DCTN2: variants seen among roughly 807,000 people sequenced by gnomAD.
DCTN2 encodes the protein 50 kDa dynein-associated polypeptide.
In DCTN2, 18 loss-of-function variants were observed where a neutral mutation model predicts 55.4. That is an observed-to-expected ratio of 0.32 (90% CI 0.22 to 0.48). The LOEUF is 0.48. DCTN2 is among the 20% of genes least tolerant of loss of function. The pLI is 0.99. For synonymous variants in DCTN2, 168 were observed against 185.2 expected, an observed-to-expected ratio of 0.91 and a Z score of 0.76; for missense variants, 390 against 491.0, an observed-to-expected ratio of 0.79 and a Z score of 1.94.
rs942516162 is a variant in DCTN2, at chr12:57,538,582, G to T, written c.106-2737C>A. On this transcript the variant is annotated intron_variant, in intron 2 of 13. Transcript: ENST00000548249. ...AGAGTTAAAAGGAAAGGGAGTGGGG[G>T]AATGGGGATGAGGGAGGGAAAAAAA... The T allele has an allele frequency of 1.2e-5, 9 of 735,072 alleles. No individual in the cohort carries two copies. In the African/African-American group the frequency reaches 1.4e-4, roughly 11 times the overall value. 45.5% of individuals were successfully genotyped at this position (735,072 alleles called of 1,614,324 possible).
intron 7 of DCTN2, 145 bp downstream of exon 7, chr12:57,533,808 G>T: frequency 1.2e-6 from 1 of 818,142 alleles, no homozygotes; most frequent in Non-Finnish European, 1.8e-6. Context: ...AGAGAACAAC[G>T]AATCAGGAAT....
intron 2 of DCTN2, among the ~76,000 whole-genome samples, chr12:57,540,374 C>T (rs1326950457): frequency 6.6e-6 from 1 of 152,210 alleles, no homozygotes; most frequent in African/African-American, 2.4e-5. Flanking sequence ...ATACCACCTC[C>T]AGGTCTGTCC....
intron 3 of DCTN2, 89 bp from the exon 4 acceptor site, chr12:57,535,634 T>C: frequency 1.3e-6 from 2 of 1,539,298 alleles, no homozygotes; most frequent in Non-Finnish European, 9.0e-7. Flanking sequence ...CCATAAAATA[T>C]CTCCATGAGG....
At chr12:57,534,516 T>A (rs573977855) in intron 5 of DCTN2, 64 bp from the exon 6 acceptor site, 1 of 1,523,766 alleles carries the variant, frequency 6.6e-7, no homozygotes, top group East Asian at 2.3e-5. Flanking sequence ...AAAAAATAGG[T>A]CAAGCCCTTT....
At chr12:57,541,836 G>T (rs1245274618) in intron 2 of DCTN2, among the ~76,000 whole-genome samples, 1 of 152,196 alleles carries the variant, frequency 6.6e-6, no homozygotes, top group African/African-American at 2.4e-5. Context: ...CAAGCCTATT[G>T]CCCCAATTAA....
chr12:57,546,417 C>T lies in DCTN2; in HGVS notation c.37-321G>A, dbSNP rs561410189. Among the ~76,000 whole-genome samples the T allele has an allele frequency of 2.0e-5, 3 of 152,168 alleles. No homozygotes were observed. The South Asian group carries it at 6.2e-4, about 32-fold the overall frequency. Reference sequence around the variant, plus strand: ...GTGAAGGCTATCCTCCAATTAGGCCCCGTACACCACCACCCTGGCACAAGG... The same window carrying T: ...GTGAAGGCTATCCTCCAATTAGGCCTCGTACACCACCACCCTGGCACAAGG... On this transcript the variant is annotated intron_variant, in intron 1 of 13. Coordinates refer to ENST00000548249, the MANE Select transcript of DCTN2 (RefSeq NM_001261413.2).
At chr12:57,541,281 C>A in intron 2 of DCTN2, 1 of 1,536,720 alleles carries the variant, frequency 6.5e-7, no homozygotes, top group East Asian at 2.3e-5. Context: ...CGATTAGCTA[C>A]AACAATAGCA....
Position 57,543,018 on chromosome 12 carries a change from TG to T in DCTN2, c.105+3009del, listed in dbSNP as rs1163314541. The stretch of plus-strand genomic sequence containing the variant: ...GATAAAATTAAAGTTGAAAATAAAC[TG>T]AAGATTAAGGCGGAGAATGCTGTTG... On this transcript the variant is annotated intron_variant, in intron 2 of 13. Transcript: ENST00000548249. 8.8e-6 allele frequency: 4 copies of T among 455,690 alleles called. No homozygotes were observed. In the Admixed American group the frequency reaches 9.4e-5, roughly 11 times the overall value. 28.2% of individuals were successfully genotyped at this position (455,690 alleles called of 1,614,324 possible). A position where few individuals can be genotyped will look rare whatever the true frequency, so the allele number is the denominator to read the frequency against.
chr12:57,543,984 G>A (rs1880924280), intron 2 of DCTN2: 1 of 453,068 alleles, frequency 2.2e-6, no homozygotes, highest in Non-Finnish European at 4.4e-6. Flanking sequence ...TTTTTATTAA[G>A]AGATATCCCA....
chr12:57,543,366 A>AG (rs1249787685), intron 2 of DCTN2, among the ~76,000 whole-genome samples: 4 of 149,794 alleles, frequency 2.7e-5, no homozygotes, highest in Non-Finnish European at 5.9e-5. Flanking sequence ...AAAGAAAAAA[A>AG]AAGAAGGTGA....
intron 2 of DCTN2, among the ~76,000 whole-genome samples, chr12:57,544,706 TA>T (rs755881471): frequency 2.0e-5 from 3 of 152,186 alleles, no homozygotes; most frequent in Non-Finnish European, 2.9e-5. Flanking sequence ...TTTTTATTTT[TA>T]AAAAATATTT....
In DCTN2 at chr12:57,532,012, C is replaced by A; in HGVS notation, c.1119+3G>T. On this transcript the variant is annotated splice_donor_region_variant and intron_variant, in intron 13 of 13. Transcript: ENST00000548249. Reference sequence around the variant, plus strand: ...GAGGACAGATCAACAAAGGGGCACACACCTGGGTCAAGAGGGTGGTATTGT... The same window carrying A: ...GAGGACAGATCAACAAAGGGGCACAAACCTGGGTCAAGAGGGTGGTATTGT... 1 of 1,558,566 alleles carries A rather than the reference C, an allele frequency of 6.4e-7. No individual in the cohort carries two copies. The highest frequency in any genetic ancestry group is 8.7e-7 in the Non-Finnish European group (1 of 1,150,688).
chr12:57,532,343 G>A (rs1278154704), intron 11 of DCTN2, 28 bp from the exon 12 acceptor site: 2 of 1,540,222 alleles, frequency 1.3e-6, no homozygotes, highest in Admixed American at 2.0e-5. Context: ...GGCCCAGAGG[G>A]GATGGCTGAG....
chr12:57,543,814 C>T, intron 2 of DCTN2: 1 of 1,289,574 alleles, frequency 7.8e-7, no homozygotes, highest in African/African-American at 1.5e-5. Context: ...TACTGGCATC[C>T]TGGGCAACAT....
chr12:57,535,972 C>G lies in DCTN2; in HGVS notation c.106-127G>C, dbSNP rs748089781. The G allele has an allele frequency of 1.3e-4, 92 of 733,914 alleles. 1 individual carries two copies. The highest frequency in any genetic ancestry group is 1.9e-4 in the Non-Finnish European group (84 of 433,184). 45.5% of individuals were successfully genotyped at this position (733,914 alleles called of 1,614,324 possible). ...TGTCCAAGGGGAAAGAAGGGTGGCT[C>G]TATTCCAAGGCGCCTACCCAGGCTT... On this transcript the variant is annotated intron_variant, in intron 2 of 13. Coordinates refer to ENST00000548249, the MANE Select transcript of DCTN2 (RefSeq NM_001261413.2).
intron 2 of DCTN2, among the ~76,000 whole-genome samples, chr12:57,540,543 C>T (rs963158870): frequency 1.3e-5 from 2 of 152,156 alleles, no homozygotes; most frequent in African/African-American, 4.8e-5. Flanking sequence ...GACTCCCAGA[C>T]CCCCCAGGGC....
chr12:57,545,983 G>T, intron 2 of DCTN2, 45 bp downstream of exon 2: 1 of 1,600,968 alleles, frequency 6.2e-7, no homozygotes, highest in Admixed American at 1.7e-5. Context: ...GTCTAGGGGA[G>T]AAAGGTCAGA....
intron 2 of DCTN2, chr12:57,542,980 T>C: frequency 2.2e-6 from 1 of 456,086 alleles, no homozygotes; most frequent in Non-Finnish European, 4.4e-6. Context: ...ATACATTACC[T>C]ACTTTAAAAA....
intron 2 of DCTN2, among the ~76,000 whole-genome samples, chr12:57,539,496 T>A (rs1880519372): frequency 6.6e-6 from 1 of 152,316 alleles, no homozygotes; most frequent in Non-Finnish European, 1.5e-5. Flanking sequence ...CTGGGCCACA[T>A]AGATAAGGCT....
Sources: allele counts gnomAD v4.1 joint callset (sites outside exome capture counted in the v4.1 genomes callset), GRCh38; gene constraint gnomAD v4.1.1; transcripts MANE v1.5; gene names NCBI Gene and HGNC (gene_info 2026-07-23, HGNC 2026-07-21).